Variants in UNC79 observed in about 807,000 individuals in gnomAD.
The protein encoded by UNC79 is protein unc-79 homolog.
In UNC79, 37 loss-of-function variants were observed where a neutral mutation model predicts 283.1. That is an observed-to-expected ratio of 0.13 (90% CI 0.10 to 0.17). UNC79 has a LOEUF of 0.17. UNC79 is among the 10% of genes least tolerant of loss of function. The pLI is 1.00. For missense variants in UNC79, 2,272 were observed against 3,211.1 expected (o/e 0.71, Z 7.07); for synonymous variants, 1,107 against 1,200.2 (o/e 0.92, Z 1.61).
intron 1 of UNC79, among the ~76,000 whole-genome samples, chr14:93,449,922 A>G (rs558038285): frequency 6.6e-6 from 1 of 152,298 alleles, no homozygotes; most frequent in East Asian, 1.9e-4. Context: ...GTGGTGGGTA[A>G]ATGGGTGTAC....
chr14:93,680,489 T>A (rs1195425748), intron 41 of UNC79, among the ~76,000 whole-genome samples: 1 of 152,230 alleles, frequency 6.6e-6, no homozygotes. Flanking sequence ...TCATTTCTGA[T>A]GTAAATAACT....
chr14:93,616,415 C>T (rs2066734701), intron 27 of UNC79, among the ~76,000 whole-genome samples: 1 of 134,078 alleles, frequency 7.5e-6, no homozygotes, highest in Non-Finnish European at 1.5e-5. Context: ...GTAGCCCAGG[C>T]TGGAGTGCAG....
chr14:93,700,043 G>C (rs550099585), intron 47 of UNC79, among the ~76,000 whole-genome samples: 1 of 144,018 alleles, frequency 6.9e-6, no homozygotes, highest in East Asian at 2.0e-4. Context: ...GTTTCACTGG[G>C]TATTGAATTC....
intron 10 of UNC79, 127 bp downstream of exon 10, chr14:93,529,453 A>G: frequency 1.0e-6 from 1 of 996,578 alleles, no homozygotes; most frequent in Non-Finnish European, 1.5e-6. Context: ...ATGAATATTC[A>G]TTGATATGAA....
intron 1 of UNC79, among the ~76,000 whole-genome samples, chr14:93,445,566 T>C (rs1008192469): frequency 3.3e-5 from 5 of 152,184 alleles, no homozygotes; most frequent in African/African-American, 1.2e-4. Context: ...TGGTCTGTAG[T>C]TTTGTTTTCT....
chr14:93,353,259 A>C (rs2054015286), intron 1 of UNC79, among the ~76,000 whole-genome samples: 1 of 152,178 alleles, frequency 6.6e-6, no homozygotes, highest in Non-Finnish European at 1.5e-5. Flanking sequence ...GCTGGAGTGC[A>C]GTGGCACAGT....
chr14:93,459,780 C>T (rs1261872120), intron 1 of UNC79, among the ~76,000 whole-genome samples: 310 of 104,412 alleles, frequency 3.0e-3, no homozygotes, highest in African/African-American at 0.011. Context: ...ATGCCATTCT[C>T]CTGCCTCAGC....
chr14:93,473,654 C>T (rs978875536), intron 2 of UNC79, among the ~76,000 whole-genome samples: 1 of 152,162 alleles, frequency 6.6e-6, no homozygotes, highest in African/African-American at 2.4e-5. Flanking sequence ...TTGCAAGTTC[C>T]TATTTACCTG....
chr14:93,388,053 A>C (rs1478262530), intron 1 of UNC79, among the ~76,000 whole-genome samples: 1 of 151,840 alleles, frequency 6.6e-6, no homozygotes, highest in Admixed American at 6.6e-5. Context: ...ACCTCGGTCT[A>C]GGATTATAGG....
At chr14:93,707,632 G>A (rs1034078859), downstream of UNC79, 4 of 152,130 alleles carry the variant, frequency 2.6e-5, no homozygotes, top group Admixed American at 2.0e-4. Context: ...ATTGAAAACT[G>A]TAGCTTGCAC....
chr14:93,707,402 T>A (rs2075938022), downstream of UNC79: 1 of 153,348 alleles, frequency 6.5e-6, no homozygotes, highest in Admixed American at 6.5e-5. Flanking sequence ...GCAAGGAACA[T>A]TACAAAGTGC....
At chr14:93,624,225 A>G (rs1461226053) in intron 30 of UNC79, among the ~76,000 whole-genome samples, 1 of 152,196 alleles carries the variant, frequency 6.6e-6, no homozygotes, top group Non-Finnish European at 1.5e-5. Context: ...CTCCTAGGAC[A>G]GAGCTGTCTA....
chr14:93,644,829 C>G (rs1020011478), intron 34 of UNC79, among the ~76,000 whole-genome samples: 1 of 152,168 alleles, frequency 6.6e-6, no homozygotes, highest in African/African-American at 2.4e-5. Flanking sequence ...TCCTCCCTCC[C>G]TCCAGTTTTT....
chr14:93,499,893 G>A (rs1329531749), intron 7 of UNC79, among the ~76,000 whole-genome samples: 1 of 152,062 alleles, frequency 6.6e-6, no homozygotes, highest in Non-Finnish European at 1.5e-5. Context: ...AGTGAATAAA[G>A]TGTGAGTTGC....
At chr14:93,498,057 G>A (rs535443309) in intron 7 of UNC79, among the ~76,000 whole-genome samples, 141 of 152,108 alleles carry the variant, frequency 9.3e-4, no homozygotes, top group Non-Finnish European at 1.6e-3. Context: ...CACTTTGGGA[G>A]GCTGAGATGG....
chr14:93,519,679 A>G (rs2060231421), intron 7 of UNC79, among the ~76,000 whole-genome samples: 5 of 151,386 alleles, frequency 3.3e-5, no homozygotes, highest in Admixed American at 2.6e-4. Context: ...TTTTAGTGTT[A>G]TATTTTATTT....
chr14:93,590,489 G>A (rs1177854918), intron 22 of UNC79, among the ~76,000 whole-genome samples: 2 of 152,136 alleles, frequency 1.3e-5, no homozygotes, highest in African/African-American at 2.4e-5. Flanking sequence ...TTAGGCAGAC[G>A]CTCCATGAAT....
At chr14:93,699,091 T>C (rs1050748262) in intron 47 of UNC79, among the ~76,000 whole-genome samples, 6 of 152,232 alleles carry the variant, frequency 3.9e-5, no homozygotes, top group African/African-American at 1.2e-4. Context: ...GCATTTCTTA[T>C]AAGCAGCATA....
At position 93,703,232 on chromosome 14, in the gene UNC79, C is replaced by T. The variant is rs556094454; in HGVS notation, c.7549-1393C>T. Among the ~76,000 whole-genome samples the T allele has an allele frequency of 4.6e-5, 7 of 152,328 alleles. No individual in the cohort carries two copies. In the South Asian group the frequency reaches 1.5e-3, roughly 32 times the overall value. ...TCCTGGAATGCCCTTGTTCTGGCTTCCCAGGACTACCAAGGTATTACAGTC... is the reference window on the plus strand; with the variant it reads ...TCCTGGAATGCCCTTGTTCTGGCTTTCCAGGACTACCAAGGTATTACAGTC... On this transcript the variant is annotated intron_variant, in intron 47 of 48. Coordinates refer to ENST00000555664, the Ensembl canonical transcript of UNC79.
Sources: gnomAD v4.1 joint callset for allele counts (sites outside exome capture counted in the v4.1 genomes callset) on GRCh38, gnomAD v4.1.1 for gene constraint, MANE v1.5 for transcripts, NCBI Gene and HGNC (gene_info 2026-07-23, HGNC 2026-07-21) for gene names.